The following P4HB variants were observed in gnomAD, a reference collection of about 807,000 sequenced individuals.
P4HB encodes prolyl 4-hydroxylase subunit beta, also known as protein disulfide-isomerase.
Under a neutral mutation model 52.6 loss-of-function variants are expected in P4HB, and 20 were observed. The ratio of observed to expected loss-of-function variants is 0.38; its 90% CI spans 0.27 to 0.55. The LOEUF is 0.55. Among genes scored for constraint, P4HB ranks in the 20% least tolerant of loss-of-function variants. P4HB has a pLI of 0.74. For synonymous variants in P4HB, 296 were observed against 277.9 expected (o/e 1.07, Z -0.65); for missense variants, 601 against 669.2 (o/e 0.90, Z 1.12).
At chr17:81,854,177 T>C (rs546688105) in intron 4 of P4HB, among the ~76,000 whole-genome samples, 1 of 152,338 alleles carries the variant, frequency 6.6e-6, no homozygotes, top group South Asian at 2.1e-4. Flanking sequence ...TCCAGACCTC[T>C]GGGTAAGGAA....
intron 2 of P4HB, among the ~76,000 whole-genome samples, chr17:81,856,994 G>A (rs1337940214): frequency 6.6e-6 from 1 of 151,510 alleles, no homozygotes; most frequent in Non-Finnish European, 1.5e-5. Context: ...CGTTGCCTAG[G>A]ATGGTCTCAA....
intron 4 of P4HB, chr17:81,847,636 G>C (rs2038757792): frequency 2.1e-6 from 1 of 483,568 alleles, no homozygotes; most frequent in Non-Finnish European, 3.8e-6. Flanking sequence ...CCCATCCCCA[G>C]GGCCCCTAGC....
rs1412012500 is a variant in P4HB, at chr17:81,846,547, G to A, written c.938C>T (p.Pro313Leu). 6 of 1,613,868 alleles carry A rather than the reference G, an allele frequency of 3.7e-6. No homozygotes were observed. The highest frequency in any genetic ancestry group is 2.7e-5 in the African/African-American group (2 of 74,888). ...CTCCAGGGTGATGAGGCGCACGGCC[G>A]GGCACTCTTCCTTCTTCAGGCCAAA... Reference protein sequence around the residue: ...EFFGLKKEECPAVRLITLEEE... With the variant: ...EFFGLKKEECLAVRLITLEEE... Residue 313 changes from proline (P) to leucine (L), a missense_variant, in exon 7 of 11, where the codon CCG becomes CTG. Pro to Leu is a moderately conservative substitution (Grantham distance 98, BLOSUM62 -3). Coordinates refer to ENST00000331483, the MANE Select transcript of P4HB (RefSeq NM_000918.4). The surrounding 1 kb of genome is among the most constrained non-coding windows in gnomAD (Gnocchi z 5.7).
In P4HB at chr17:81,843,889, A is replaced by G. The variant is rs1045145910; in HGVS notation, c.*123T>C. 1.3e-6 allele frequency: 1 copy of G among 753,968 alleles called. No homozygotes were observed. Among genetic ancestry groups the G allele is most frequent in the Admixed American group, 1.8e-5 (1 of 55,578 alleles). 46.7% of individuals were successfully genotyped at this position (753,968 alleles called of 1,614,324 possible). A position where few individuals can be genotyped will look rare whatever the true frequency, so the allele number is the denominator to read the frequency against. ...GTAGGGGTGAGGTGTCACTTCAGAG[A>G]GGTTCCCTGGGTTTCCGGCGACGCC... On this transcript the variant is annotated 3_prime_UTR_variant, in exon 11 of 11. Transcript: ENST00000331483.
At chr17:81,847,976 C>T (rs1023683093) in intron 4 of P4HB, 5 of 151,080 alleles carry the variant, frequency 3.3e-5, no homozygotes, top group African/African-American at 1.2e-4. Flanking sequence ...GTGATCTCCA[C>T]TCACTGCAAG....
chr17:81,843,464 C>G lies in P4HB; in HGVS notation c.*548G>C. 2.5e-6 allele frequency: 1 copy of G among 400,142 alleles called. No individual in the cohort carries two copies. The highest frequency in any genetic ancestry group is 3.6e-5 in the East Asian group (1 of 28,100). The allele number at this position is 400,142 out of a possible 1,614,324, so 24.8% of individuals were successfully genotyped here. On this transcript the variant is annotated 3_prime_UTR_variant, in exon 11 of 11. Transcript: ENST00000331483. ...CTTCCAGGCATGGGGGACACCCTGA[C>G]AGGATCCGGAAGTCTCCATTTACCC...
rs919582693 is a variant in P4HB, at chr17:81,843,905, C to T, written c.*107G>A. The T allele has an allele frequency of 3.4e-5, 28 of 818,896 alleles. No homozygotes were observed. Among genetic ancestry groups the T allele is most frequent in the Non-Finnish European group, 4.3e-5 (20 of 467,110 alleles). 50.7% of individuals were successfully genotyped at this position (818,896 alleles called of 1,614,324 possible). On this transcript the variant is annotated 3_prime_UTR_variant, in exon 11 of 11. Transcript: ENST00000331483. ...ACTTCAGAGAGGTTCCCTGGGTTTC[C>T]GGCGACGCCCTCCTTCAAGCGAGGC...
In P4HB at chr17:81,843,742, A is replaced by G. The variant is rs774057600; in HGVS notation, c.*270T>C. The G allele has an allele frequency of 1.7e-6, 1 of 583,758 alleles. No individual in the cohort carries two copies. Among genetic ancestry groups the G allele is most frequent in the Non-Finnish European group, 3.0e-6 (1 of 328,886 alleles). The allele number at this position is 583,758 out of a possible 1,614,324, so 36.2% of individuals were successfully genotyped here. A position where few individuals can be genotyped will look rare whatever the true frequency, so the allele number is the denominator to read the frequency against. On this transcript the variant is annotated 3_prime_UTR_variant, in exon 11 of 11. Coordinates refer to ENST00000331483, the MANE Select transcript of P4HB (RefSeq NM_000918.4). Reference sequence around the variant, plus strand: ...GGTAGCAAGCACTCTGGACAGACTCATGTATGAAAAAGTACATCATGGTTT... The same window carrying G: ...GGTAGCAAGCACTCTGGACAGACTCGTGTATGAAAAAGTACATCATGGTTT...
Position 81,845,633 on chromosome 17 carries a change from G to A in P4HB, c.1287C>T (p.Ala429=), listed in dbSNP as rs771239292. The change falls in exon 9 of 11, where the codon GCC becomes GCT. Residue 429 remains alanine (A), a synonymous_variant. Transcript: ENST00000331483. ...NIVIAKMDST[A]NEVEAVKVHS... ...GCACTTTGACGGCCTCCACCTCGTT[G>A]GCAGTCGAGTCCATCTTGGCGATGA... is the stretch of plus-strand genomic sequence containing the variant. The A allele has an allele frequency of 1.2e-6, 2 of 1,613,566 alleles. No individual in the cohort carries two copies.
At position 81,855,780 on chromosome 17, in the gene P4HB, G is replaced by T. The variant is rs1174669208; in HGVS notation, c.353-194C>A. ...AAACCCCAGTGTACGTGAGACTGTG[G>T]TTGTGTTTATGGGGAGTGGAGAGGG... On this transcript the variant is annotated intron_variant, in intron 2 of 10. Transcript: ENST00000331483. This position sits in a 1 kb window ranked among gnomAD's most constrained non-coding sequence, Gnocchi z 4.3. 31 of 586,524 alleles carry T rather than the reference G, an allele frequency of 5.3e-5. No homozygotes were observed. Among genetic ancestry groups the T allele is most frequent in the Non-Finnish European group, 3.0e-6 (1 of 338,860 alleles). The allele number at this position is 586,524 out of a possible 1,614,324, so 36.3% of individuals were successfully genotyped here.
At position 81,846,122 on chromosome 17, in the gene P4HB, A is replaced by C. The variant is rs1032319974; in HGVS notation, c.1057-131T>G. 23 of 1,180,130 alleles carry C rather than the reference A, an allele frequency of 1.9e-5. No individual in the cohort carries two copies. The highest frequency in any genetic ancestry group is 2.7e-5 in the Non-Finnish European group (23 of 866,056). 73.1% of individuals were successfully genotyped at this position (1,180,130 alleles called of 1,614,324 possible). Reference sequence around the variant, plus strand: ...CACCAGGGTGGCAGCCGCAGACACCAACAGTGCCAAGAATCCAGAAAGAGA... The same window carrying C: ...CACCAGGGTGGCAGCCGCAGACACCCACAGTGCCAAGAATCCAGAAAGAGA... On this transcript the variant is annotated intron_variant, in intron 7 of 10. Transcript: ENST00000331483. This position sits in a 1 kb window ranked among gnomAD's most constrained non-coding sequence, Gnocchi z 5.7.
At chr17:81,859,421 T>C in intron 1 of P4HB, 34 bp from the exon 2 acceptor site, 2 of 1,586,480 alleles carry the variant, frequency 1.3e-6, no homozygotes, top group Non-Finnish European at 1.7e-6. Context: ...GAAAGCAGCC[T>C]TGATCCCTAA....
At chr17:81,853,421 A>T (rs931321498) in intron 4 of P4HB, among the ~76,000 whole-genome samples, 1 of 152,010 alleles carries the variant, frequency 6.6e-6, no homozygotes, top group Non-Finnish European at 1.5e-5. Context: ...AAATACAAAA[A>T]AATTAGCTGG....
At chr17:81,845,530 C>T (rs202119821) in intron 9 of P4HB, 31 bp downstream of exon 9, 192 of 1,550,626 alleles carry the variant, frequency 1.2e-4, no homozygotes, top group Middle Eastern at 6.9e-4. Context: ...TCCCAGAGCC[C>T]GCCCCAGCCC....
intron 4 of P4HB, among the ~76,000 whole-genome samples, chr17:81,851,080 G>T (rs776767748): frequency 6.6e-6 from 1 of 151,954 alleles, no homozygotes; most frequent in Non-Finnish European, 1.5e-5. Context: ...ACAGGTGCCC[G>T]CCACCACGCC....
chr17:81,854,628 C>T (rs574846890), intron 4 of P4HB, among the ~76,000 whole-genome samples: 237 of 151,690 alleles, frequency 1.6e-3, no homozygotes, highest in African/African-American at 5.4e-3. Context: ...GGGTGGATCA[C>T]GAGGTCAAGA....
chr17:81,845,085 T>A, intron 10 of P4HB, 59 bp downstream of exon 10: 3 of 1,326,968 alleles, frequency 2.3e-6, no homozygotes, highest in Non-Finnish European at 3.2e-6. Flanking sequence ...AGTGGGCATG[T>A]CCCGTGGGGC....
Position 81,846,738 on chromosome 17 carries a change from T to A in P4HB, c.856-109A>T. The A allele has an allele frequency of 7.7e-7, 1 of 1,300,676 alleles. No individual in the cohort carries two copies. The highest frequency in any genetic ancestry group is 1.1e-6 in the Non-Finnish European group (1 of 925,326). The allele number at this position is 1,300,676 out of a possible 1,614,324, so 80.6% of individuals were successfully genotyped here. ...GCTCCGGTGCCTTTTTCCTCCAACC[T>A]GGATTCCGGGGTTGCCCAACCAGAC... is the stretch of plus-strand genomic sequence containing the variant. On this transcript the variant is annotated intron_variant, in intron 6 of 10. Coordinates refer to ENST00000331483, the MANE Select transcript of P4HB (RefSeq NM_000918.4). This position sits in a 1 kb window ranked among gnomAD's most constrained non-coding sequence, Gnocchi z 5.7.
intron 4 of P4HB, among the ~76,000 whole-genome samples, chr17:81,853,607 A>G (rs1229352656): frequency 1.3e-5 from 2 of 151,916 alleles, no homozygotes; most frequent in Non-Finnish European, 2.9e-5. Context: ...AAGAAAGTGA[A>G]TGGGTTCCTT....
Sources: gnomAD v4.1 joint callset for allele counts (sites outside exome capture counted in the v4.1 genomes callset) on GRCh38, gnomAD v4.1.1 for gene constraint, Gnocchi (gnomAD v3.1) non-coding constraint, MANE v1.5 for transcripts, NCBI Gene and HGNC (gene_info 2026-07-23, HGNC 2026-07-21) for gene names.